Variants in RIC8A observed in about 807,000 individuals in gnomAD.
The protein encoded by RIC8A is RIC8 guanine nucleotide exchange factor A, also known as chaperone Ric-8A.
In RIC8A, 37 loss-of-function variants were observed where a neutral mutation model predicts 48.4. The observed-to-expected ratio is 0.77, with a 90% CI of 0.59 to 1.01. The LOEUF (loss-of-function observed/expected upper bound fraction) is 1.01. RIC8A is among the 50% of genes least tolerant of loss of function. The probability of loss-of-function intolerance (pLI) is 0.00; values close to 1 mark genes in which losing one functional copy is unlikely to be tolerated. For synonymous variants in RIC8A, 288 were observed against 283.4 expected, an observed-to-expected ratio of 1.02 and a Z score of -0.16; for missense variants, 681 against 696.8, an observed-to-expected ratio of 0.98 and a Z score of 0.25.
chr11:214,239 C>A lies in RIC8A; in HGVS notation c.1485C>A (p.Val495=). ...CACCTTTCCCCAACAGGAACAGAGT[C>A]ATCCAGCCAATGGGGATGAGTCCCC... ...TMFDKLSRNR[V]IQPMGMSPRG... Residue 495 remains valine (V), a synonymous_variant, in exon 10 of 10, where the codon GTC becomes GTA. Coordinates refer to ENST00000526104, the MANE Select transcript of RIC8A (RefSeq NM_001286134.2). The A allele has an allele frequency of 6.2e-7, 1 of 1,613,782 alleles. No individual in the cohort carries two copies. The highest frequency in any genetic ancestry group is 8.5e-7 in the Non-Finnish European group (1 of 1,179,884).
chr11:210,930 TG>T, intron 4 of RIC8A: 1 of 605,784 alleles, frequency 1.7e-6, no homozygotes, highest in Non-Finnish European at 2.9e-6. Context: ...TAGGCTGGTC[TG>T]GGTTTCCAGA....
At position 212,473 on chromosome 11, in the gene RIC8A, C is replaced by T. The variant is rs763932407; in HGVS notation, c.1027C>T (p.Arg343Trp). 64 of 1,613,806 alleles carry T rather than the reference C, an allele frequency of 4.0e-5. No homozygotes were observed. In the Admixed American group the frequency reaches 6.3e-4, roughly 16 times the overall value. Residue 343 changes from arginine (R) to tryptophan (W), a missense_variant, in exon 6 of 10, where the codon CGG becomes TGG. Arg to Trp is a moderately radical substitution (Grantham distance 101). Transcript: ENST00000526104. ...PVLSVLTECA[R>W]MHRPARKFLK... is the part of the protein sequence containing the mutation. ...GCTGAGCGTGCTGACTGAATGTGCC[C>T]GGATGCACCGCCCAGCCAGGAAGTT...
In RIC8A at chr11:210,416, G is replaced by C. The variant is rs773048497; in HGVS notation, c.727-155G>C. 34 of 782,580 alleles carry C rather than the reference G, an allele frequency of 4.3e-5. No homozygotes were observed. The South Asian group carries it at 4.6e-4, about 11-fold the overall frequency. The allele number at this position is 782,580 out of a possible 1,614,324, so 48.5% of individuals were successfully genotyped here. ...CATCTTTTGCCCCCAGCACTACCCA[G>C]AGTCACCTAGGAAGACCCCAGGGGA... On this transcript the variant is annotated intron_variant, in intron 3 of 9. Transcript: ENST00000526104.
intron 8 of RIC8A, 154 bp downstream of exon 8, chr11:213,135 A>G: frequency 7.3e-7 from 1 of 1,362,676 alleles, no homozygotes. Flanking sequence ...CTGGGATACC[A>G]GAAGGTGGCA....
chr11:210,043 C>G, intron 3 of RIC8A, 43 bp downstream of exon 3: 5 of 1,489,574 alleles, frequency 3.4e-6, no homozygotes, highest in Non-Finnish European at 4.5e-6. Context: ...CAACTCAGCT[C>G]CAACATTTCC....
Position 211,472 on chromosome 11 carries a change from A to G in RIC8A, c.969+123A>G, listed in dbSNP as rs576866964. On this transcript the variant is annotated intron_variant, in intron 5 of 9. Coordinates refer to ENST00000526104, the MANE Select transcript of RIC8A (RefSeq NM_001286134.2). This position sits in a 1 kb window ranked among gnomAD's most constrained non-coding sequence, Gnocchi z 4.0. Reference sequence around the variant, plus strand: ...GTGGAGATTGTCTTGGTGGTGTGATATGGGCGACTCTTCCGGTTGTTCTGT... The same window carrying G: ...GTGGAGATTGTCTTGGTGGTGTGATGTGGGCGACTCTTCCGGTTGTTCTGT... 3 of 1,080,222 alleles carry G rather than the reference A, an allele frequency of 2.8e-6. No homozygotes were observed. The highest frequency in any genetic ancestry group is 2.6e-5 in the East Asian group (1 of 38,998). 66.9% of individuals were successfully genotyped at this position (1,080,222 alleles called of 1,614,324 possible). A position where few individuals can be genotyped will look rare whatever the true frequency, so the allele number is the denominator to read the frequency against.
At chr11:210,965 A>ACAGGGTCGGGGAGGCAGTGTGTCT in intron 4 of RIC8A, 2 of 608,478 alleles carry the variant, frequency 3.3e-6, no homozygotes, top group Non-Finnish European at 5.8e-6. Flanking sequence ...TTTGGCTCAG[A>ACAGGGTCGGGGAGGCAGTGTGTCT]CAGGGTCGGG....
chr11:214,233 C>G lies in RIC8A; in HGVS notation c.1479C>G (p.Asn493Lys), dbSNP rs1564801283. The G allele has an allele frequency of 6.2e-7, 1 of 1,613,614 alleles. No individual in the cohort carries two copies. Among genetic ancestry groups the G allele is most frequent in the Non-Finnish European group, 8.5e-7 (1 of 1,179,862 alleles). The change falls in exon 10 of 10, where the codon AAC becomes AAG. Residue 493 changes from asparagine to lysine, a missense_variant. By Grantham distance (94) the Asn-to-Lys change is moderately conservative. Transcript: ENST00000526104. ...CCACTGCACCTTTCCCCAACAGGAA[C>G]AGAGTCATCCAGCCAATGGGGATGA... is the stretch of plus-strand genomic sequence containing the variant. ...LVTMFDKLSR[N>K]RVIQPMGMSP...
chr11:208,958 CG>C lies in RIC8A; in HGVS notation c.84+26del, dbSNP rs761936544. On this transcript the variant is annotated intron_variant, in intron 1 of 9. Coordinates refer to ENST00000526104, the MANE Select transcript of RIC8A (RefSeq NM_001286134.2). The surrounding 1 kb of genome is among the most constrained non-coding windows in gnomAD (Gnocchi z 4.8). ...CAGGAGGTAAGCGGCCGCCTGAGGC[CG>C]GGGGGCGGGCACGGAGGGGGTGGGG... is the stretch of plus-strand genomic sequence containing the variant. 2.9e-5 allele frequency: 13 copies of C among 454,054 alleles called. No homozygotes were observed. The highest frequency in any genetic ancestry group is 5.4e-4 in the Middle Eastern group (1 of 1,858). The allele number at this position is 454,054 out of a possible 1,614,324, so 28.1% of individuals were successfully genotyped here.
chr11:210,627 C>G lies in RIC8A; in HGVS notation c.783C>G (p.Ile261Met). ...CCCTTCTCCGGCACTGTGTGATGAT[C>G]GCTACTGCTGGAGACCGCACAGAGG... ...LGTLLRHCVM[I>M]ATAGDRTEEF... Residue 261 changes from isoleucine (I) to methionine (M), a missense_variant, in exon 4 of 10, where the codon ATC becomes ATG. Ile to Met is a conservative substitution (Grantham distance 10). Transcript: ENST00000526104. The G allele has an allele frequency of 6.2e-7, 1 of 1,614,084 alleles. No homozygotes were observed.
intron 3 of RIC8A, 171 bp from the exon 4 acceptor site, chr11:210,400 C>A (rs772010232): frequency 1.2e-5 from 9 of 737,610 alleles, no homozygotes; most frequent in Non-Finnish European, 2.2e-5. Context: ...TCATCTTTTG[C>A]CCCCAGCACT....
intron 4 of RIC8A, 143 bp downstream of exon 4, chr11:210,805 C>A: frequency 1.3e-6 from 1 of 753,240 alleles, no homozygotes; most frequent in Non-Finnish European, 2.3e-6. Flanking sequence ...TGAGACTGGA[C>A]ATAGCCATGA....
In RIC8A at chr11:209,547, A is replaced by C. The variant is rs1855291472; in HGVS notation, c.273A>C (p.Ala91=). The change falls in exon 3 of 10, where the codon GCA becomes GCC. Residue 91 remains alanine, a synonymous_variant. Transcript: ENST00000526104. ...TCACCAGCCGCCAGAGCCTGCAGGC[A>C]CTAGCCTGCTATGCTGACATCTCTG... The part of the protein sequence containing the change: ...DPFTSRQSLQ[A]LACYADISVS... The C allele has an allele frequency of 6.2e-7, 1 of 1,613,978 alleles. No homozygotes were observed. Among genetic ancestry groups the C allele is most frequent in the Non-Finnish European group, 8.5e-7 (1 of 1,180,042 alleles).
At chr11:213,494 G>A in intron 9 of RIC8A, 76 bp downstream of exon 9, 11 of 1,539,492 alleles carry the variant, frequency 7.1e-6, no homozygotes, top group South Asian at 1.2e-5. Flanking sequence ...GTGAGCCCCA[G>A]GAGGTAGGAT....
Position 213,418 on chromosome 11 carries a change from G to A in RIC8A, c.1475G>A (p.Arg492Lys). ...GTGACCATGTTTGACAAGCTCTCCA[G>A]GTGTGTGGCATGAGGAGGAGGGGCC... Reference protein sequence around the residue: ...KLVTMFDKLSRNRVIQPMGMS... With the variant: ...KLVTMFDKLSKNRVIQPMGMS... Residue 492 changes from arginine (R) to lysine (K), a missense_variant and splice_region_variant, in exon 9 of 10, where the codon AGG becomes AAG. By Grantham distance (26) the Arg-to-Lys change is conservative (BLOSUM62 2). Transcript: ENST00000526104. 3 of 1,580,428 alleles carry A rather than the reference G, an allele frequency of 1.9e-6. No homozygotes were observed. Among genetic ancestry groups the A allele is most frequent in the South Asian group, 1.1e-5 (1 of 87,124 alleles).
In RIC8A at chr11:211,348, A is replaced by G; in HGVS notation, c.968A>G (p.Lys323Arg). ...ATCTTCCTAGAGAAGCGTTTGCACA[A>G]GGTAGGCTGGGGATGGCTGTGCAGG... Reference protein sequence around the residue: ...LLIFLEKRLHKTHRLKESVAP... With the variant: ...LLIFLEKRLHRTHRLKESVAP... The change falls in exon 5 of 10, where the codon AAG becomes AGG. Residue 323 changes from lysine to arginine, a missense_variant and splice_region_variant. By Grantham distance (26) the Lys-to-Arg change is conservative. Transcript: ENST00000526104. The surrounding 1 kb of genome is among the most constrained non-coding windows in gnomAD (Gnocchi z 4.0). 6.2e-7 allele frequency: 1 copy of G among 1,613,138 alleles called. No homozygotes were observed.
chr11:214,607 T>C lies in RIC8A; in HGVS notation c.*257T>C, dbSNP rs763742677. The C allele has an allele frequency of 7.3e-6, 4 of 547,644 alleles. No homozygotes were observed. In the African/African-American group the frequency reaches 7.5e-5, roughly 10 times the overall value. The allele number at this position is 547,644 out of a possible 1,614,324, so 33.9% of individuals were successfully genotyped here. A position where few individuals can be genotyped will look rare whatever the true frequency, so the allele number is the denominator to read the frequency against. On this transcript the variant is annotated 3_prime_UTR_variant, in exon 10 of 10. Coordinates refer to ENST00000526104, the MANE Select transcript of RIC8A (RefSeq NM_001286134.2). ...TCCACAGACGAAGTACTTTCTTTTG[T>C]CTGCGCCAAGAGGAATGTGTTCAGA...
rs958659063 is a variant in RIC8A, at chr11:214,678, T to C, written c.*328T>C. 3 of 403,332 alleles carry C rather than the reference T, an allele frequency of 7.4e-6. No homozygotes were observed. The highest frequency in any genetic ancestry group is 1.4e-5 in the Non-Finnish European group (3 of 211,812). The allele number at this position is 403,332 out of a possible 1,614,324, so 25.0% of individuals were successfully genotyped here. A position where few individuals can be genotyped will look rare whatever the true frequency, so the allele number is the denominator to read the frequency against. ...GCCTACCTGGGCACACAGAAGAGCA[T>C]ATGGGAGGGCAGGGGTTTGGGTGTG... On this transcript the variant is annotated 3_prime_UTR_variant, in exon 10 of 10. Transcript: ENST00000526104.
rs764888819 is a variant in RIC8A, at chr11:210,580, G to T, written c.736G>T (p.Ala246Ser). 90 of 1,614,130 alleles carry T rather than the reference G, an allele frequency of 5.6e-5. No homozygotes were observed. The highest frequency in any genetic ancestry group is 7.5e-5 in the Non-Finnish European group (89 of 1,179,988). The change falls in exon 4 of 10, where the codon GCC (alanine) becomes TCC (serine). Residue 246 changes from alanine to serine, a missense_variant. Transcript: ENST00000526104. Reference protein sequence around the residue: ...IKGEVDEEDAALYRHLGTLLR... With the variant: ...IKGEVDEEDASLYRHLGTLLR... ...TTCTTTCTTTGGTCAGGAAGACGCT[G>T]CCCTTTACCGACACCTGGGGACCCT...
Sources: gnomAD v4.1 joint callset for allele counts on GRCh38, gnomAD v4.1.1 for gene constraint, Gnocchi (gnomAD v3.1) non-coding constraint, MANE v1.5 for transcripts, NCBI Gene and HGNC (gene_info 2026-07-23, HGNC 2026-07-21) for gene names.